Variants in ANKRD55 observed in about 807,000 individuals in gnomAD.
ANKRD55 encodes the protein ankyrin repeat domain-containing protein 55.
A neutral mutation model predicts 60.6 loss-of-function variants in ANKRD55; 41 were observed. That is an observed-to-expected ratio of 0.68 (90% CI 0.53 to 0.88). ANKRD55 has a LOEUF of 0.88. ANKRD55 is among the 40% of genes least tolerant of loss of function. The probability of loss-of-function intolerance (pLI) is 0.00; values close to 1 mark genes in which losing one functional copy is unlikely to be tolerated. For missense variants in ANKRD55, 732 were observed against 767.6 expected, an observed-to-expected ratio of 0.95 and a Z score of 0.55; for synonymous variants, 264 against 290.3, an observed-to-expected ratio of 0.91 and a Z score of 0.92.
chr5:56,199,773 CCCAGCT>C (rs1485322202), intron 2 of ANKRD55, among the ~76,000 whole-genome samples: 2 of 151,720 alleles, frequency 1.3e-5, no homozygotes, highest in Non-Finnish European at 2.9e-5. Flanking sequence ...CGCCTGTAGT[CCCAGCT>C]ACTTGGGAGG....
chr5:56,126,028 G>A (rs1166575428), intron 8 of ANKRD55, among the ~76,000 whole-genome samples: 1 of 152,116 alleles, frequency 6.6e-6, no homozygotes, highest in African/African-American at 2.4e-5. Flanking sequence ...CAGCTACTTG[G>A]GAGGTTGAGG....
chr5:56,144,430 G>A (rs188799081), intron 6 of ANKRD55, among the ~76,000 whole-genome samples: 159 of 152,284 alleles, frequency 1.0e-3, no homozygotes, highest in Non-Finnish European at 1.7e-3. Flanking sequence ...ACCAGGGCAG[G>A]GGTGCTGTCT....
chr5:56,220,476 TG>T (rs1759931681), intron 2 of ANKRD55, among the ~76,000 whole-genome samples: 1 of 150,916 alleles, frequency 6.6e-6, no homozygotes, highest in South Asian at 2.1e-4. Context: ...CAGAGAAAGG[TG>T]GGGGTCAAAC....
chr5:56,107,756 C>T (rs1351516723), intron 10 of ANKRD55, among the ~76,000 whole-genome samples: 1 of 152,172 alleles, frequency 6.6e-6, no homozygotes, highest in Non-Finnish European at 1.5e-5. Context: ...GGAGAGAAGC[C>T]ATACATTAGG....
chr5:56,166,178 C>T (rs1321886015), intron 5 of ANKRD55, among the ~76,000 whole-genome samples: 7 of 112,904 alleles, frequency 6.2e-5, no homozygotes, highest in African/African-American at 2.4e-4. Context: ...TCCTTCCTTC[C>T]TTCCTTCCTT....
In ANKRD55 at chr5:56,203,016, C is replaced by T. The variant is rs559877862; in HGVS notation, c.59-19382G>A. Among the ~76,000 whole-genome samples the T allele has an allele frequency of 2.0e-5, 3 of 151,974 alleles. No homozygotes were observed. The East Asian group carries it at 5.8e-4, about 29-fold the overall frequency. On this transcript the variant is annotated intron_variant, in intron 2 of 11. Coordinates refer to ENST00000341048, the MANE Select transcript of ANKRD55 (RefSeq NM_024669.3). Reference sequence around the variant, plus strand: ...AATATCTTAATCTTTATGTATGGGGCCTTTAGGATGGAGGCAATATACACA... The same window carrying T: ...AATATCTTAATCTTTATGTATGGGGTCTTTAGGATGGAGGCAATATACACA...
At chr5:56,121,781 C>A (rs1225537261) in intron 8 of ANKRD55, among the ~76,000 whole-genome samples, 2 of 152,100 alleles carry the variant, frequency 1.3e-5, no homozygotes, top group Admixed American at 6.6e-5. Flanking sequence ...ACAAGAAGGT[C>A]GAATAAATTG....
rs547528359 is a variant in ANKRD55 at position 56,100,124 on chromosome 5, T to C, written c.*59A>G. On this transcript the variant is annotated 3_prime_UTR_variant, in exon 12 of 12. Transcript: ENST00000341048. ...TCGTTCTTACAAACTGGAGTAATCT[T>C]GTCCTTTGAGAGTTGAAAATACATA... 46 of 1,610,598 alleles carry C rather than the reference T, an allele frequency of 2.9e-5. 1 individual carries two copies. Among genetic ancestry groups the C allele is most frequent in the Middle Eastern group, 1.7e-4 (1 of 5,764 alleles).
At chr5:56,233,156 G>A (rs1760298476) in intron 1 of ANKRD55, 85 bp downstream of exon 1, 1 of 526,672 alleles carries the variant, frequency 1.9e-6, no homozygotes, top group African/African-American at 1.9e-5. Flanking sequence ...AGCTGTACAT[G>A]GGCATAATAC....
intron 5 of ANKRD55, among the ~76,000 whole-genome samples, chr5:56,164,113 CAAA>C (rs772660296): frequency 2.6e-5 from 4 of 152,076 alleles, no homozygotes; most frequent in Non-Finnish European, 4.4e-5. Flanking sequence ...AAAAAACAAA[CAAA>C]AAATTCTATA....
chr5:56,145,462 G>C (rs1224990728), intron 6 of ANKRD55, among the ~76,000 whole-genome samples: 1 of 152,234 alleles, frequency 6.6e-6, no homozygotes, highest in Non-Finnish European at 1.5e-5. Flanking sequence ...TCATGTGATT[G>C]AAAAGCCTGG....
intron 2 of ANKRD55, among the ~76,000 whole-genome samples, chr5:56,186,645 C>T (rs955861147): frequency 9.2e-5 from 14 of 151,870 alleles, no homozygotes; most frequent in Non-Finnish European, 1.8e-4. Flanking sequence ...TTTTTTGGTG[C>T]GTTTAGAAAG....
rs769664867 is a variant in ANKRD55, at chr5:56,166,199, T to TTCCTTCCTTCCTTCCTTCCTTCTCTC, written c.422+4494_422+4495insGAGAGAAGGAAGGAAGGAAGGAAGGA. Among the ~76,000 whole-genome samples, 38 of 96,110 alleles carry TTCCTTCCTTCCTTCCTTCCTTCTCTC rather than the reference T, an allele frequency of 4.0e-4. 4 individuals carry two copies. In the East Asian group the frequency reaches 0.013, roughly 33 times the overall value. 63.1% of individuals were successfully genotyped at this position (96,110 alleles called of 152,430 possible). A position where few individuals can be genotyped will look rare whatever the true frequency, so the allele number is the denominator to read the frequency against. Reference sequence around the variant, plus strand: ...CTTCCTTCCTTCCTTCCTTCCTTCCTTCTCTCTCTCTCTCTCTCTTTCTTT... The same window carrying TTCCTTCCTTCCTTCCTTCCTTCTCTC: ...CTTCCTTCCTTCCTTCCTTCCTTCCTTCCTTCCTTCCTTCCTTCCTTCTCTCTCTCTCTCTCTCTCTCTCTTTCTTT... On this transcript the variant is annotated intron_variant, in intron 5 of 11. Coordinates refer to ENST00000341048, the MANE Select transcript of ANKRD55 (RefSeq NM_024669.3).
At chr5:56,207,981 T>C (rs1456432731) in intron 2 of ANKRD55, among the ~76,000 whole-genome samples, 1 of 152,246 alleles carries the variant, frequency 6.6e-6, no homozygotes, top group East Asian at 1.9e-4. Flanking sequence ...AAACACGTTG[T>C]ACAGTTGAAC....
intron 3 of ANKRD55, among the ~76,000 whole-genome samples, chr5:56,178,231 C>T (rs562064865): frequency 6.6e-6 from 1 of 151,134 alleles, no homozygotes; most frequent in Non-Finnish European, 1.5e-5. Context: ...GCTCTGTTGC[C>T]CAGGCTGGAG....
At chr5:56,137,460 G>A (rs1008985394) in intron 7 of ANKRD55, 1 of 811,628 alleles carries the variant, frequency 1.2e-6, no homozygotes, top group Non-Finnish European at 2.2e-6. Flanking sequence ...TAAACCAGAA[G>A]AGGAGATTGC....
chr5:56,115,429 C>T (rs1281529455), intron 9 of ANKRD55, among the ~76,000 whole-genome samples: 1 of 151,666 alleles, frequency 6.6e-6, no homozygotes, highest in African/African-American at 2.4e-5. Context: ...AGCGATTCTC[C>T]TGCCTCAGCT....
At chr5:56,172,550 G>A (rs1758633919) in intron 4 of ANKRD55, among the ~76,000 whole-genome samples, 2 of 151,638 alleles carry the variant, frequency 1.3e-5, no homozygotes. Flanking sequence ...ACATTTCCTG[G>A]AACTCTGTGT....
chr5:56,197,180 A>T (rs1392818077), intron 2 of ANKRD55, among the ~76,000 whole-genome samples: 2 of 152,212 alleles, frequency 1.3e-5, no homozygotes, highest in Non-Finnish European at 1.5e-5. Context: ...TATTAAATAT[A>T]AAATAAAGAT....
Sources: allele counts gnomAD v4.1 joint callset (sites outside exome capture counted in the v4.1 genomes callset), GRCh38; gene constraint gnomAD v4.1.1; transcripts MANE v1.5; gene names NCBI Gene and HGNC (gene_info 2026-07-23, HGNC 2026-07-21).